Variants in DTWD2 observed in about 807,000 individuals in gnomAD.
The protein encoded by DTWD2 is DTW motif tRNA-uridine aminocarboxypropyltransferase 2, also known as tRNA-uridine aminocarboxypropyltransferase 2.
DTWD2 carries 39 observed loss-of-function variants against 31.8 expected under a neutral mutation model. The ratio of observed to expected loss-of-function variants is 1.22; its 90% confidence interval spans 0.95 to 1.60. DTWD2 has a LOEUF of 1.60. DTWD2 is among the 40% of genes most tolerant of loss of function. The pLI, the probability that DTWD2 is intolerant of heterozygous loss-of-function variation, is 0.00. For missense variants in DTWD2, 515 were observed against 381.5 expected (o/e 1.35, Z -2.92); for synonymous variants, 180 against 142.8 (o/e 1.26, Z -1.86).
At chr5:118,942,215 C>G (rs1394727635) in intron 2 of DTWD2, among the ~76,000 whole-genome samples, 1 of 152,050 alleles carries the variant, frequency 6.6e-6, no homozygotes, top group Non-Finnish European at 1.5e-5. Flanking sequence ...TGGAAAATTC[C>G]TTTGCTAAGA....
intron 5 of DTWD2, among the ~76,000 whole-genome samples, chr5:118,846,957 CACACACACAT>C (rs1422663590): frequency 2.0e-4 from 27 of 132,638 alleles, no homozygotes; most frequent in Middle Eastern, 3.6e-3. Context: ...CACACACACA[CACACACACAT>C]ACACACGAAA....
At chr5:118,876,808 G>A (rs770418673) in intron 4 of DTWD2, among the ~76,000 whole-genome samples, 13 of 152,152 alleles carry the variant, frequency 8.5e-5, no homozygotes, top group African/African-American at 1.4e-4. Flanking sequence ...TACAAGAAGA[G>A]CTGGTATCAT....
At chr5:118,851,336 GA>G (rs1751999671) in intron 4 of DTWD2, among the ~76,000 whole-genome samples, 1 of 151,628 alleles carries the variant, frequency 6.6e-6, no homozygotes, top group South Asian at 2.1e-4. Context: ...TAAAGAGAAA[GA>G]GTACAAAGAG....
At chr5:118,952,344 T>G (rs937820351) in intron 1 of DTWD2, among the ~76,000 whole-genome samples, 2 of 152,160 alleles carry the variant, frequency 1.3e-5, no homozygotes, top group Non-Finnish European at 2.9e-5. Context: ...TAAAGCTTTT[T>G]AATCACCTGG....
intron 4 of DTWD2, among the ~76,000 whole-genome samples, chr5:118,880,490 T>C (rs1324273124): frequency 6.6e-6 from 1 of 152,208 alleles, no homozygotes; most frequent in Non-Finnish European, 1.5e-5. Flanking sequence ...TATTTACTTA[T>C]TTCCTTTTAG....
intron 4 of DTWD2, among the ~76,000 whole-genome samples, chr5:118,874,685 C>A (rs545377980): frequency 6.6e-6 from 1 of 152,068 alleles, no homozygotes; most frequent in Admixed American, 6.5e-5. Flanking sequence ...AAGGAATGAA[C>A]AAAACCGCCA....
At chr5:118,947,617 G>A (rs985822067) in intron 1 of DTWD2, among the ~76,000 whole-genome samples, 1 of 152,178 alleles carries the variant, frequency 6.6e-6, no homozygotes, top group Non-Finnish European at 1.5e-5. Flanking sequence ...GGTGGAACGG[G>A]CCATGTGTGG....
Position 118,837,600 on chromosome 5 carries a change from A to C in DTWD2, c.*3317T>G, listed in dbSNP as rs1728978500. On this transcript the variant is annotated 3_prime_UTR_variant, in exon 6 of 6. Coordinates refer to ENST00000510708, the MANE Select transcript of DTWD2 (RefSeq NM_173666.4). ...TAAACCTATTTAGGGCAACAGTTGGAAATATGTGATGAAGAAACTGAGTAA... is the reference window on the plus strand; with the variant it reads ...TAAACCTATTTAGGGCAACAGTTGGCAATATGTGATGAAGAAACTGAGTAA... 1 of 152,162 alleles carries C rather than the reference A, an allele frequency of 6.6e-6. No individual in the cohort carries two copies. Among genetic ancestry groups the C allele is most frequent in the Admixed American group, 6.6e-5 (1 of 15,262 alleles). 9.4% of individuals were successfully genotyped at this position (152,162 alleles called of 1,614,324 possible).
intron 4 of DTWD2, among the ~76,000 whole-genome samples, chr5:118,920,474 C>T (rs566231253): frequency 1.3e-5 from 2 of 152,014 alleles, no homozygotes; most frequent in South Asian, 2.1e-4. Flanking sequence ...TTACCTGGAA[C>T]GGGGGCAGAG....
chr5:118,872,801 G>A (rs141761273), intron 4 of DTWD2, among the ~76,000 whole-genome samples: 2 of 152,230 alleles, frequency 1.3e-5, no homozygotes, highest in Non-Finnish European at 2.9e-5. Flanking sequence ...ACGAAGCAGA[G>A]TTGCTACAAA....
intron 3 of DTWD2, among the ~76,000 whole-genome samples, chr5:118,937,816 A>G (rs892774337): frequency 1.4e-5 from 2 of 146,046 alleles, no homozygotes; most frequent in Admixed American, 1.4e-4. Context: ...TCACACTGGC[A>G]TCCTAACCTC....
intron 1 of DTWD2, among the ~76,000 whole-genome samples, chr5:118,987,912 C>A (rs550540008): frequency 1.4e-4 from 22 of 152,280 alleles, no homozygotes; most frequent in African/African-American, 4.3e-4. Flanking sequence ...TCTCTCTCCT[C>A]CAATCCACTT....
intron 3 of DTWD2, among the ~76,000 whole-genome samples, chr5:118,936,416 A>G (rs1754046119): frequency 6.6e-6 from 1 of 152,112 alleles, no homozygotes; most frequent in East Asian, 1.9e-4. Flanking sequence ...TCAAGGCTAC[A>G]GTGAGCTATG....
intron 4 of DTWD2, among the ~76,000 whole-genome samples, chr5:118,885,988 C>T (rs1752855347): frequency 6.6e-6 from 1 of 151,952 alleles, no homozygotes; most frequent in African/African-American, 2.4e-5. Context: ...AACACACACA[C>T]ACAAAAAAAC....
intron 4 of DTWD2, among the ~76,000 whole-genome samples, chr5:118,858,212 G>A (rs565351847): frequency 8.0e-4 from 122 of 152,198 alleles, no homozygotes; most frequent in South Asian, 2.5e-3. Context: ...TGACTGCAGA[G>A]CTTTGCAATA....
intron 5 of DTWD2, 53 bp from the exon 6 acceptor site, chr5:118,841,140 CTATCTA>C: frequency 1.3e-6 from 2 of 1,543,914 alleles, no homozygotes; most frequent in East Asian, 4.9e-5. Context: ...TCATGATATT[CTATCTA>C]TATTTTTCAT....
rs946008183 is a variant in DTWD2, at chr5:118,939,222, C to G, written c.378G>C (p.Lys126Asn). Residue 126 changes from lysine (K) to asparagine (N), a missense_variant, in exon 3 of 6, where the codon AAG becomes AAC. Coordinates refer to ENST00000510708, the MANE Select transcript of DTWD2 (RefSeq NM_173666.4). ...ACLPQDKCKV[K>N]IGRRFSEERD... The stretch of plus-strand genomic sequence containing the variant: ...TTTCTTCACTGAAGCGACGACCGAT[C>G]TTCACTTTACACTTGTCCTGGGGGA... The G allele has an allele frequency of 1.2e-6, 2 of 1,606,178 alleles. No homozygotes were observed.
In DTWD2 at chr5:118,930,131, T is replaced by A. The variant is rs1443802639; in HGVS notation, c.405-1402A>T. Among the ~76,000 whole-genome samples, 4 of 152,172 alleles carry A rather than the reference T, an allele frequency of 2.6e-5. No homozygotes were observed. The East Asian group carries it at 7.7e-4, about 29-fold the overall frequency. On this transcript the variant is annotated intron_variant, in intron 3 of 5. Transcript: ENST00000510708. ...CGTCAATAAATTTGTATGCCTTTTC[T>A]CCCTTTAATTTGTCTTTTGTCAGAT...
chr5:118,845,284 A>G (rs1751824260), intron 5 of DTWD2, among the ~76,000 whole-genome samples: 1 of 152,258 alleles, frequency 6.6e-6, no homozygotes, highest in Admixed American at 6.5e-5. Context: ...GTTATTGGGA[A>G]AAAGTGTATG....
Sources: gnomAD v4.1 joint callset for allele counts (sites outside exome capture counted in the v4.1 genomes callset) on GRCh38, gnomAD v4.1.1 for gene constraint, MANE v1.5 for transcripts, NCBI Gene and HGNC (gene_info 2026-07-23, HGNC 2026-07-21) for gene names.